Variants in PTGER3 observed in about 807,000 individuals in gnomAD.
The protein encoded by PTGER3 is prostaglandin E2 receptor EP3 subtype.
A neutral mutation model predicts 34.7 loss-of-function variants in PTGER3; 22 were observed. The ratio of observed to expected loss-of-function variants is 0.63; its 90% CI spans 0.45 to 0.91. The LOEUF is 0.91. Ranked by LOEUF, PTGER3 falls within the 40% of genes least tolerant of loss-of-function variation. The pLI is 0.00. For missense variants in PTGER3, 468 were observed against 519.4 expected, an observed-to-expected ratio of 0.90 and a Z score of 0.96; for synonymous variants, 241 against 230.1, an observed-to-expected ratio of 1.05 and a Z score of -0.43.
intron 2 of PTGER3, among the ~76,000 whole-genome samples, chr1:70,985,518 C>T (rs1370535633): frequency 1.3e-5 from 2 of 152,078 alleles, no homozygotes; most frequent in Admixed American, 6.6e-5. Flanking sequence ...ACTGTGTATG[C>T]CACCCAGAAG....
chr1:71,043,071 G>A (rs1015460576), intron 1 of PTGER3, among the ~76,000 whole-genome samples: 2 of 152,182 alleles, frequency 1.3e-5, no homozygotes, highest in African/African-American at 4.8e-5. Flanking sequence ...TGTACTCATA[G>A]CTTCCTTTGA....
chr1:70,968,394 A>G (rs1652757668), downstream of PTGER3, among the ~76,000 whole-genome samples: 1 of 152,146 alleles, frequency 6.6e-6, no homozygotes, highest in African/African-American at 2.4e-5. Flanking sequence ...TTCACAAGTA[A>G]CTTTTTTTTG....
intron 2 of PTGER3, among the ~76,000 whole-genome samples, chr1:70,962,618 C>T (rs1168036587): frequency 1.3e-5 from 2 of 152,074 alleles, no homozygotes; most frequent in African/African-American, 2.4e-5. Flanking sequence ...CAAGGGAACT[C>T]GTCTTTATAA....
At chr1:70,895,114 C>T (rs76261353) in intron 4 of PTGER3, among the ~76,000 whole-genome samples, 1,953 of 152,276 alleles carry the variant, frequency 0.013, 42 homozygotes, top group African/African-American at 0.045. Context: ...GAGTTCCCCC[C>T]AGCACCAGGA....
At chr1:70,898,922 T>G (rs997892050) in intron 4 of PTGER3, among the ~76,000 whole-genome samples, 1 of 152,200 alleles carries the variant, frequency 6.6e-6, no homozygotes, top group Admixed American at 6.5e-5. Flanking sequence ...TCCTCTTTCT[T>G]AACTATTGCC....
chr1:70,895,187 C>A (rs1481427981), intron 4 of PTGER3, among the ~76,000 whole-genome samples: 1 of 152,086 alleles, frequency 6.6e-6, no homozygotes, highest in African/African-American at 2.4e-5. Flanking sequence ...AATATTTAAG[C>A]CACAATTTTT....
At chr1:71,008,805 G>A in intron 2 of PTGER3, 1 of 951,514 alleles carries the variant, frequency 1.1e-6, no homozygotes. Context: ...GTTTGTACTT[G>A]TTATACAGAT....
chr1:71,043,377 A>G (rs2101002182), intron 1 of PTGER3, among the ~76,000 whole-genome samples: 1 of 152,310 alleles, frequency 6.6e-6, no homozygotes, highest in Middle Eastern at 3.4e-3. Flanking sequence ...AAAGGAAACA[A>G]AGCTTTTGTT....
At chr1:70,955,941 A>C (rs148310483) in intron 2 of PTGER3, among the ~76,000 whole-genome samples, 1 of 152,182 alleles carries the variant, frequency 6.6e-6, no homozygotes, top group Non-Finnish European at 1.5e-5. Context: ...TTCAACACCC[A>C]GTCTAGGATT....
At chr1:70,864,918 C>T (rs1036411719) in intron 4 of PTGER3, among the ~76,000 whole-genome samples, 2 of 152,040 alleles carry the variant, frequency 1.3e-5, no homozygotes, top group Admixed American at 1.3e-4. Flanking sequence ...CTTTGATTTT[C>T]ACAAAGTGGC....
At chr1:71,046,374 C>T (rs1199408507) in intron 1 of PTGER3, among the ~76,000 whole-genome samples, 1 of 151,922 alleles carries the variant, frequency 6.6e-6, no homozygotes, top group African/African-American at 2.4e-5. Context: ...AAACTTCTAG[C>T]TCTGCATATA....
chr1:70,999,708 G>A (rs985080525), intron 2 of PTGER3, among the ~76,000 whole-genome samples: 7 of 152,124 alleles, frequency 4.6e-5, no homozygotes, highest in Non-Finnish European at 1.0e-4. Context: ...TTACAAGTCC[G>A]AGAGGACGGG....
intron 4 of PTGER3, among the ~76,000 whole-genome samples, chr1:70,854,596 T>C (rs1234301389): frequency 2.6e-5 from 4 of 152,152 alleles, no homozygotes; most frequent in Non-Finnish European, 4.4e-5. Flanking sequence ...TGTGGCACAC[T>C]TCCCCCTTCT....
intron 2 of PTGER3, among the ~76,000 whole-genome samples, chr1:70,998,683 G>A (rs894950234): frequency 1.3e-5 from 2 of 152,112 alleles, no homozygotes; most frequent in African/African-American, 4.8e-5. Context: ...TTGATTTAAT[G>A]CCCCTTTTAA....
At chr1:71,014,180 C>G (rs548117896) in intron 1 of PTGER3, among the ~76,000 whole-genome samples, 1 of 152,000 alleles carries the variant, frequency 6.6e-6, no homozygotes, top group Non-Finnish European at 1.5e-5. Context: ...TAATCTCTCT[C>G]TCTTGAGGCT....
At chr1:70,936,192 A>G (rs1290244199) in intron 4 of PTGER3, among the ~76,000 whole-genome samples, 1 of 152,164 alleles carries the variant, frequency 6.6e-6, no homozygotes, top group Non-Finnish European at 1.5e-5. Flanking sequence ...AACTTGCTTG[A>G]GTGCAAACCC....
chr1:70,898,715 A>T (rs998334726), intron 4 of PTGER3, among the ~76,000 whole-genome samples: 2 of 152,194 alleles, frequency 1.3e-5, no homozygotes, highest in African/African-American at 4.8e-5. Context: ...GGGTAATAAT[A>T]GTATTTATAT....
At chr1:70,950,182 A>G (rs554434510), downstream of PTGER3, among the ~76,000 whole-genome samples, 1 of 152,332 alleles carries the variant, frequency 6.6e-6, no homozygotes, top group South Asian at 2.1e-4. Context: ...ATTGAAGTAA[A>G]CAACCTATTG....
At chr1:70,882,579 G>A (rs576063280) in intron 4 of PTGER3, among the ~76,000 whole-genome samples, 27 of 152,230 alleles carry the variant, frequency 1.8e-4, no homozygotes, top group African/African-American at 6.5e-4. Flanking sequence ...TCTGCTTTGG[G>A]GCCAAAGGCT....
Sources: gnomAD v4.1 joint callset for allele counts (sites outside exome capture counted in the v4.1 genomes callset) on GRCh38, gnomAD v4.1.1 for gene constraint, MANE v1.5 for transcripts, NCBI Gene and HGNC (gene_info 2026-07-23, HGNC 2026-07-21) for gene names.